TCERG1L: variants seen among roughly 807,000 people sequenced by gnomAD.
The protein encoded by TCERG1L is transcription elongation regulator 1-like protein.
Under a neutral mutation model 56.3 loss-of-function variants are expected in TCERG1L, and 37 were observed. The ratio of observed to expected loss-of-function variants is 0.66; its 90% CI spans 0.51 to 0.87. The LOEUF (loss-of-function observed/expected upper bound fraction) is 0.87. Ranked by LOEUF, TCERG1L falls within the 40% of genes least tolerant of loss-of-function variation. TCERG1L has a pLI of 0.00. For missense variants in TCERG1L, 799 were observed against 774.2 expected, an observed-to-expected ratio of 1.03 and a Z score of -0.38; for synonymous variants, 324 against 326.3, an observed-to-expected ratio of 0.99 and a Z score of 0.08.
intron 4 of TCERG1L, among the ~76,000 whole-genome samples, chr10:131,218,013 C>T (rs572861339): frequency 6.6e-6 from 1 of 152,138 alleles, no homozygotes; most frequent in South Asian, 2.1e-4. Context: ...CGTGAGCCAA[C>T]GCACCCGGCT....
intron 8 of TCERG1L, among the ~76,000 whole-genome samples, chr10:131,119,383 GCTT>G (rs1209999170): frequency 6.6e-6 from 1 of 152,192 alleles, no homozygotes; most frequent in African/African-American, 2.4e-5. Flanking sequence ...TACATTCTCT[GCTT>G]CTTATGTGAT....
At chr10:131,148,668 C>T (rs777279545) in intron 6 of TCERG1L, among the ~76,000 whole-genome samples, 14 of 97,084 alleles carry the variant, frequency 1.4e-4, no homozygotes, top group Non-Finnish European at 3.3e-4. Flanking sequence ...AGATGCCTGG[C>T]CTTGAGGCTG....
chr10:131,190,969 C>A (rs1336447484), intron 4 of TCERG1L, among the ~76,000 whole-genome samples: 2 of 144,244 alleles, frequency 1.4e-5, no homozygotes, highest in African/African-American at 2.6e-5. Flanking sequence ...CTAGAAAATT[C>A]TAAAGACTCC....
chr10:131,310,016 T>C lies in TCERG1L; in HGVS notation c.343-717A>G, dbSNP rs189608867. On this transcript the variant is annotated intron_variant, in intron 1 of 11. Transcript: ENST00000368642. ...TGCTCAATGACATGGAACGTTTCAG[T>C]ACCTATTGTTTTAAAATCGTAAAAG... is the stretch of plus-strand genomic sequence containing the variant. Among the ~76,000 whole-genome samples, 19 of 152,244 alleles carry C rather than the reference T, an allele frequency of 1.2e-4. No individual in the cohort carries two copies. In the East Asian group the frequency reaches 3.1e-3, roughly 25 times the overall value.
intron 4 of TCERG1L, among the ~76,000 whole-genome samples, chr10:131,259,957 A>G (rs992107173): frequency 1.3e-5 from 2 of 152,228 alleles, no homozygotes; most frequent in Non-Finnish European, 2.9e-5. Flanking sequence ...AGACGCATGC[A>G]TGACTCCCCC....
At chr10:131,132,502 G>A (rs1013146102) in intron 8 of TCERG1L, among the ~76,000 whole-genome samples, 5 of 152,206 alleles carry the variant, frequency 3.3e-5, no homozygotes, top group African/African-American at 9.6e-5. Flanking sequence ...GTGATGAGGC[G>A]GACAGCCCAG....
chr10:131,178,232 C>A (rs1417855545), intron 4 of TCERG1L, among the ~76,000 whole-genome samples: 1 of 152,160 alleles, frequency 6.6e-6, no homozygotes, highest in Non-Finnish European at 1.5e-5. Context: ...AGGGTTAGCA[C>A]AAGACAGTGA....
intron 3 of TCERG1L, among the ~76,000 whole-genome samples, chr10:131,275,428 C>T (rs895780065): frequency 6.6e-6 from 1 of 152,154 alleles, no homozygotes; most frequent in Non-Finnish European, 1.5e-5. Context: ...TTTAGGGATA[C>T]TAATGCGTTG....
rs71009957 is a variant in TCERG1L, at chr10:131,291,401, C to CTTTTTTTT, written c.670+16802_670+16809dup. 5.0e-3 allele frequency among the ~76,000 whole-genome samples: 184 copies of CTTTTTTTT among 36,594 alleles called. 63 individuals are homozygous for CTTTTTTTT. The highest frequency in any genetic ancestry group is 7.0e-3 in the African/African-American group (70 of 10,020). 24.0% of individuals were successfully genotyped at this position (36,594 alleles called of 152,430 possible). On this transcript the variant is annotated intron_variant, in intron 3 of 11. Coordinates refer to ENST00000368642, the MANE Select transcript of TCERG1L (RefSeq NM_174937.4). The stretch of plus-strand genomic sequence containing the variant: ...TGTGTATATTCCATAAACAGCATTT[C>CTTTTTTTT]TTTTTTTTTTTTTTTTTTTTTTTTT...
intron 3 of TCERG1L, among the ~76,000 whole-genome samples, chr10:131,261,988 TGTG>T (rs1846241028): frequency 6.6e-6 from 1 of 152,122 alleles, no homozygotes; most frequent in Admixed American, 6.5e-5. Context: ...CCAGTGCCTG[TGTG>T]GTGCCTTCCA....
intron 3 of TCERG1L, among the ~76,000 whole-genome samples, chr10:131,295,312 G>GT (rs1846678112): frequency 1.3e-5 from 2 of 152,158 alleles, no homozygotes; most frequent in South Asian, 4.1e-4. Flanking sequence ...GGAAAAATAC[G>GT]TAAGAGTGAG....
At chr10:131,102,731 A>C (rs1845315830) in intron 10 of TCERG1L, among the ~76,000 whole-genome samples, 1 of 152,232 alleles carries the variant, frequency 6.6e-6, no homozygotes, top group African/African-American at 2.4e-5. Context: ...GACCGCACAC[A>C]TGGAGTCTAA....
intron 3 of TCERG1L, among the ~76,000 whole-genome samples, chr10:131,282,005 G>A (rs906406859): frequency 9.2e-5 from 14 of 151,954 alleles, no homozygotes; most frequent in Non-Finnish European, 1.9e-4. Context: ...GCGCGGTGGC[G>A]GGCGCCTGTA....
intron 3 of TCERG1L, among the ~76,000 whole-genome samples, chr10:131,303,833 T>C (rs1846793175): frequency 6.6e-6 from 1 of 152,114 alleles, no homozygotes; most frequent in Non-Finnish European, 1.5e-5. Flanking sequence ...GCCAACTCTC[T>C]TTCGAGTTTA....
chr10:131,160,438 C>A (rs1018258662), intron 6 of TCERG1L, among the ~76,000 whole-genome samples: 2 of 151,964 alleles, frequency 1.3e-5, no homozygotes, highest in African/African-American at 4.8e-5. Context: ...CACCTGAAGC[C>A]CCTGGCCCTA....
At chr10:131,213,493 G>C (rs1019473916) in intron 4 of TCERG1L, among the ~76,000 whole-genome samples, 1 of 152,198 alleles carries the variant, frequency 6.6e-6, no homozygotes, top group Non-Finnish European at 1.5e-5. Context: ...AGCTAGGCAC[G>C]TGGGATCAAG....
intron 4 of TCERG1L, among the ~76,000 whole-genome samples, chr10:131,220,709 C>T (rs1024185827): frequency 1.3e-5 from 2 of 152,084 alleles, no homozygotes; most frequent in Non-Finnish European, 2.9e-5. Flanking sequence ...CCAGGCCGGA[C>T]CAGGCTGGCA....
chr10:131,305,990 T>C (rs1846815264), intron 3 of TCERG1L, among the ~76,000 whole-genome samples: 1 of 152,132 alleles, frequency 6.6e-6, no homozygotes, highest in East Asian at 1.9e-4. Context: ...TAATAGTAAT[T>C]TTTAGTAATT....
At chr10:131,300,524 T>C (rs1465527479) in intron 3 of TCERG1L, among the ~76,000 whole-genome samples, 1 of 152,184 alleles carries the variant, frequency 6.6e-6, no homozygotes, top group Non-Finnish European at 1.5e-5. Context: ...TAATTTTTCA[T>C]TATGCCAGCT....
Sources: gnomAD v4.1 joint callset for allele counts (sites outside exome capture counted in the v4.1 genomes callset) on GRCh38, gnomAD v4.1.1 for gene constraint, MANE v1.5 for transcripts, NCBI Gene and HGNC (gene_info 2026-07-23, HGNC 2026-07-21) for gene names.